The following GRID1 variants were observed in gnomAD, a reference collection of about 807,000 sequenced individuals.
The protein encoded by GRID1 is glutamate receptor ionotropic, delta-1.
In GRID1, 28 loss-of-function variants were observed where a neutral mutation model predicts 98.0. The observed-to-expected ratio is 0.29, with a 90% CI of 0.21 to 0.39. GRID1 has a LOEUF of 0.39. Ranked by LOEUF, GRID1 falls within the 10% of genes least tolerant of loss-of-function variation. The pLI is 1.00. For synonymous variants in GRID1, 553 were observed against 538.5 expected (o/e 1.03, Z -0.37); for missense variants, 1,111 against 1,340.5 (o/e 0.83, Z 2.67).
At chr10:86,353,410 A>G (rs943413311) in intron 2 of GRID1, among the ~76,000 whole-genome samples, 3 of 152,226 alleles carry the variant, frequency 2.0e-5, no homozygotes, top group Non-Finnish European at 4.4e-5. Context: ...CTCCTTGTGT[A>G]TGTATGCATG....
At chr10:86,034,998 C>T (rs1338714628) in intron 4 of GRID1, among the ~76,000 whole-genome samples, 1 of 151,832 alleles carries the variant, frequency 6.6e-6, no homozygotes, top group African/African-American at 2.4e-5. Context: ...GATAAGTATA[C>T]AGGTACATGG....
chr10:86,018,215 A>G (rs1038789932), intron 4 of GRID1, among the ~76,000 whole-genome samples: 3 of 152,220 alleles, frequency 2.0e-5, no homozygotes, highest in African/African-American at 7.2e-5. Context: ...GAGCTCCTTC[A>G]TGAGCACACA....
intron 4 of GRID1, among the ~76,000 whole-genome samples, chr10:86,069,492 C>G (rs7085391): frequency 6.6e-6 from 1 of 152,052 alleles, no homozygotes; most frequent in African/African-American, 2.4e-5. Flanking sequence ...ACCAAACATA[C>G]AAAAAATTGG....
chr10:86,182,447 C>A (rs939219143), intron 3 of GRID1, among the ~76,000 whole-genome samples: 1 of 152,248 alleles, frequency 6.6e-6, no homozygotes, highest in Non-Finnish European at 1.5e-5. Context: ...GTGTCTCGGG[C>A]ATGCTAATTA....
chr10:86,079,765 G>C (rs1280127613), intron 4 of GRID1, among the ~76,000 whole-genome samples: 1 of 152,206 alleles, frequency 6.6e-6, no homozygotes, highest in African/African-American at 2.4e-5. Context: ...AAAGTGACCA[G>C]AGCATGTCAG....
chr10:85,844,404 A>C (rs2131773719), intron 8 of GRID1, among the ~76,000 whole-genome samples: 1 of 145,170 alleles, frequency 6.9e-6, no homozygotes. Context: ...ACAGGAAAAT[A>C]CTGAATACAA....
At chr10:85,951,274 T>C (rs1842122358) in intron 4 of GRID1, among the ~76,000 whole-genome samples, 1 of 152,154 alleles carries the variant, frequency 6.6e-6, no homozygotes, top group African/African-American at 2.4e-5. Context: ...TTTGTTGAAT[T>C]AATAATTGAA....
rs200390116 is a variant in GRID1 at position 85,602,447 on chromosome 10, C to T, written c.2856G>A (p.Pro952=). 2.4e-4 allele frequency: 390 copies of T among 1,614,108 alleles called. 3 individuals carry two copies. Among genetic ancestry groups the T allele is most frequent in the South Asian group, 1.9e-3 (177 of 91,074 alleles). ...TLSSGPSSNL[P]LPLSSSATMP... is the part of the protein sequence containing the mutation. ...TGGTCGCCGAGCTGCTCAGCGGCAG[C>T]GGCAGGTTGCTGCTGGGCCCTGATG... The change falls in exon 16 of 16, where the codon CCG becomes CCA. Residue 952 remains proline (P), a synonymous_variant. Coordinates refer to ENST00000327946, the MANE Select transcript of GRID1 (RefSeq NM_017551.3).
intron 4 of GRID1, among the ~76,000 whole-genome samples, chr10:86,087,510 C>CTGTGTGTGTGTGTGTGTGTGTG (rs60644459): frequency 5.7e-5 from 8 of 140,908 alleles, no homozygotes; most frequent in Non-Finnish European, 9.4e-5. Context: ...GTGTGTGTGT[C>CTGTGTGTGTGTGTGTGTGTGTG]TGTGTGTGTG....
At chr10:85,908,556 G>C (rs1428232068) in intron 5 of GRID1, among the ~76,000 whole-genome samples, 1 of 152,170 alleles carries the variant, frequency 6.6e-6, no homozygotes, top group African/African-American at 2.4e-5. Flanking sequence ...TAATTAGGAA[G>C]ATATGTCTTG....
intron 4 of GRID1, among the ~76,000 whole-genome samples, chr10:86,057,523 T>C (rs1053021717): frequency 1.3e-5 from 2 of 152,200 alleles, no homozygotes; most frequent in Admixed American, 1.3e-4. Context: ...AGTCTCAACC[T>C]TTGCCTACTC....
At chr10:86,151,764 C>T (rs1845172717) in intron 3 of GRID1, among the ~76,000 whole-genome samples, 1 of 152,206 alleles carries the variant, frequency 6.6e-6, no homozygotes, top group Admixed American at 6.5e-5. Flanking sequence ...TGTCACCCAC[C>T]CACCCAATGG....
chr10:86,302,441 C>G (rs1847702409), intron 2 of GRID1, among the ~76,000 whole-genome samples: 2 of 152,226 alleles, frequency 1.3e-5, no homozygotes. Flanking sequence ...CCCACCTCCC[C>G]ACAAGGTCTA....
At position 86,223,954 on chromosome 10, in the gene GRID1, C is replaced by A. The variant is rs578167998; in HGVS notation, c.236-17306G>T. Among the ~76,000 whole-genome samples, 5 of 152,152 alleles carry A rather than the reference C, an allele frequency of 3.3e-5. No individual in the cohort carries two copies. The East Asian group carries it at 9.7e-4, about 29-fold the overall frequency. On this transcript the variant is annotated intron_variant, in intron 2 of 15. Transcript: ENST00000327946. The stretch of plus-strand genomic sequence containing the variant: ...GGACCAGCAGATGATAGACCAAGGA[C>A]CAGCAGGTGATAGGCTAAGGACCAG...
At chr10:85,906,446 T>C (rs1204713578) in intron 5 of GRID1, among the ~76,000 whole-genome samples, 1 of 152,154 alleles carries the variant, frequency 6.6e-6, no homozygotes, top group Non-Finnish European at 1.5e-5. Context: ...CAGCAGATAA[T>C]GGATCCTTTT....
chr10:86,022,023 G>A (rs1013359161), intron 4 of GRID1, among the ~76,000 whole-genome samples: 4 of 152,088 alleles, frequency 2.6e-5, no homozygotes, highest in Non-Finnish European at 5.9e-5. Flanking sequence ...AAAAGAAACC[G>A]ATTAATACCA....
rs564947291 is a variant in GRID1 at position 85,761,443 on chromosome 10, A to G, written c.1234-31829T>C. 2.6e-5 allele frequency among the ~76,000 whole-genome samples: 4 copies of G among 152,332 alleles called. No homozygotes were observed. The South Asian group carries it at 8.3e-4, about 32-fold the overall frequency. On this transcript the variant is annotated intron_variant, in intron 8 of 15. Coordinates refer to ENST00000327946, the MANE Select transcript of GRID1 (RefSeq NM_017551.3). ...TGAGCCCTTTCTATGCAGGTGCTGC[A>G]TTGGGGACTAGAGAGCCAATGCTAA...
At chr10:86,142,615 C>T (rs1845026205) in intron 3 of GRID1, among the ~76,000 whole-genome samples, 1 of 152,264 alleles carries the variant, frequency 6.6e-6, no homozygotes, top group Admixed American at 6.5e-5. Flanking sequence ...CTGCTCCTTG[C>T]AGCACCTTCT....
intron 4 of GRID1, among the ~76,000 whole-genome samples, chr10:85,974,495 T>A (rs1338573561): frequency 7.2e-5 from 11 of 152,224 alleles, no homozygotes. Flanking sequence ...TGAATCTAAG[T>A]GGAAGACTTT....
Sources: gnomAD v4.1 joint callset for allele counts (sites outside exome capture counted in the v4.1 genomes callset) on GRCh38, gnomAD v4.1.1 for gene constraint, MANE v1.5 for transcripts, NCBI Gene and HGNC (gene_info 2026-07-23, HGNC 2026-07-21) for gene names.